HNRNPA0: variants seen among roughly 807,000 people sequenced by gnomAD.
HNRNPA0 encodes the protein hnRNA binding protein.
For missense variants in HNRNPA0, 252 were observed against 433.7 expected (o/e 0.58, Z 3.72); for synonymous variants, 243 against 195.5 (o/e 1.24, Z -2.03).
In HNRNPA0 at chr5:137,754,290, T is replaced by C; in HGVS notation, c.-224A>G. The C allele has an allele frequency of 3.4e-6, 2 of 594,642 alleles. No homozygotes were observed. Among genetic ancestry groups the C allele is most frequent in the South Asian group, 2.6e-5 (1 of 39,142 alleles). The allele number at this position is 594,642 out of a possible 1,614,324, so 36.8% of individuals were successfully genotyped here. On this transcript the variant is annotated 5_prime_UTR_variant, in exon 1 of 1. Coordinates refer to ENST00000314940, the MANE Select transcript of HNRNPA0 (RefSeq NM_006805.4). ...CGGCTAAAGGGCGAGCCGAGGAGAC[T>C]GGAAGACAACCAAGGCCACCGCTAC...
chr5:137,748,357 T>C lies in HNRNPA0; in HGVS notation c.*4792A>G, dbSNP rs1312381710. On this transcript the variant is annotated 3_prime_UTR_variant, in exon 1 of 1. Transcript: ENST00000314940. The stretch of plus-strand genomic sequence containing the variant: ...AGATGGCTAGCAGAATTCATCTCTC[T>C]CCTACTAGAGTTGAAGCAGCAGTGA... The C allele has an allele frequency of 6.6e-6, 1 of 152,182 alleles. No homozygotes were observed. Among genetic ancestry groups the C allele is most frequent in the Non-Finnish European group, 1.5e-5 (1 of 68,024 alleles). The allele number at this position is 152,182 out of a possible 1,614,324, so 9.4% of individuals were successfully genotyped here.
chr5:137,753,066 G>GGGT lies in HNRNPA0; in HGVS notation c.*80_*82dup, dbSNP rs1314313226. The GGGT allele has an allele frequency of 7.2e-7, 1 of 1,397,842 alleles. No individual in the cohort carries two copies. The highest frequency in any genetic ancestry group is 9.8e-7 in the Non-Finnish European group (1 of 1,019,520). 86.6% of individuals were successfully genotyped at this position (1,397,842 alleles called of 1,614,324 possible). On this transcript the variant is annotated 3_prime_UTR_variant, in exon 1 of 1. Coordinates refer to ENST00000314940, the MANE Select transcript of HNRNPA0 (RefSeq NM_006805.4). The surrounding 1 kb of genome is among the most constrained non-coding windows in gnomAD (Gnocchi z 6.1). ...AACAGGGAAGGCGGTGTGTGTGAGG[G>GGGT]GGTGGGGCTTAGGAGTTGACCCCAC...
rs1042790342 is a variant in HNRNPA0, at chr5:137,749,044, A to G, written c.*4105T>C. On this transcript the variant is annotated 3_prime_UTR_variant, in exon 1 of 1. Coordinates refer to ENST00000314940, the MANE Select transcript of HNRNPA0 (RefSeq NM_006805.4). ...CGCAAGGTATATGAAGACAGCAACC[A>G]TGTTTGTCTCACTGCTGTGTACCTC... The G allele has an allele frequency of 3.9e-5, 6 of 152,164 alleles. No homozygotes were observed. The highest frequency in any genetic ancestry group is 5.9e-5 in the Non-Finnish European group (4 of 68,012). 9.4% of individuals were successfully genotyped at this position (152,164 alleles called of 1,614,324 possible).
chr5:137,753,482 T>C lies in HNRNPA0; in HGVS notation c.585A>G (p.Arg195=). Reference sequence around the variant, plus strand: ...GACCACCGCCGCGCCCCCGGCCGCCTCGGCCGCCCCGGGAGGATCGGGAGC... The same window carrying C: ...GACCACCGCCGCGCCCCCGGCCGCCCCGGCCGCCCCGGGAGGATCGGGAGC... ...GGGSRSSRGG[R]GGRGRGGGRD... is the part of the protein sequence containing the mutation. The change falls in exon 1 of 1, where the codon CGA becomes CGG. Residue 195 remains arginine, a synonymous_variant. Coordinates refer to ENST00000314940, the MANE Select transcript of HNRNPA0 (RefSeq NM_006805.4). The surrounding 1 kb of genome is among the most constrained non-coding windows in gnomAD (Gnocchi z 6.1). The C allele has an allele frequency of 6.3e-7, 1 of 1,579,590 alleles. No individual in the cohort carries two copies.
rs1321647715 is a variant in HNRNPA0 at position 137,751,158 on chromosome 5, A to T, written c.*1991T>A. On this transcript the variant is annotated 3_prime_UTR_variant, in exon 1 of 1. Transcript: ENST00000314940. The stretch of plus-strand genomic sequence containing the variant: ...AAAGGATTTGACTATGTATTACCTC[A>T]ATGTGTAAAAACATCCACCCCGTTT... 6.6e-6 allele frequency: 1 copy of T among 152,122 alleles called. No homozygotes were observed. The highest frequency in any genetic ancestry group is 1.5e-5 in the Non-Finnish European group (1 of 67,998). The allele number at this position is 152,122 out of a possible 1,614,324, so 9.4% of individuals were successfully genotyped here. A position where few individuals can be genotyped will look rare whatever the true frequency, so the allele number is the denominator to read the frequency against.
In HNRNPA0 at chr5:137,747,062, A is replaced by G. The variant is rs1402055685; in HGVS notation, c.*6087T>C. 6.6e-6 allele frequency: 1 copy of G among 152,230 alleles called. No homozygotes were observed. The highest frequency in any genetic ancestry group is 1.5e-5 in the Non-Finnish European group (1 of 68,038). 9.4% of individuals were successfully genotyped at this position (152,230 alleles called of 1,614,324 possible). ...TGGGCACAGTTAAGGCAAATCAACA[A>G]GGTTTGAACCTTCTTGGGACTAGAG... is the stretch of plus-strand genomic sequence containing the variant. On this transcript the variant is annotated 3_prime_UTR_variant, in exon 1 of 1. Coordinates refer to ENST00000314940, the MANE Select transcript of HNRNPA0 (RefSeq NM_006805.4).
rs753578866 is a variant in HNRNPA0 at position 137,753,932 on chromosome 5, C to T, written c.135G>A (p.Lys45=). ...TCACGAAGCCAAAGCAACGGGAGCGCTTGGTCTGGGGATTCACCACCACCA... is the reference window on the plus strand; with the variant it reads ...TCACGAAGCCAAAGCAACGGGAGCGTTTGGTCTGGGGATTCACCACCACCA... The part of the protein sequence containing the change: ...DCVVVVNPQT[K]RSRCFGFVTY... The change falls in exon 1 of 1, where the codon AAG becomes AAA. Residue 45 remains lysine (K), a synonymous_variant. Coordinates refer to ENST00000314940, the MANE Select transcript of HNRNPA0 (RefSeq NM_006805.4). The surrounding 1 kb of genome is among the most constrained non-coding windows in gnomAD (Gnocchi z 6.1). The T allele has an allele frequency of 6.2e-7, 1 of 1,614,142 alleles. No homozygotes were observed. Among genetic ancestry groups the T allele is most frequent in the Non-Finnish European group, 8.5e-7 (1 of 1,180,036 alleles).
In HNRNPA0 at chr5:137,747,215, T is replaced by C. The variant is rs1753421131; in HGVS notation, c.*5934A>G. Reference sequence around the variant, plus strand: ...TATGAGAAAGAGAAGGAGCAAATATTTCAGCCTCACTTTTCTATCACTGTC... The same window carrying C: ...TATGAGAAAGAGAAGGAGCAAATATCTCAGCCTCACTTTTCTATCACTGTC... On this transcript the variant is annotated 3_prime_UTR_variant, in exon 1 of 1. Coordinates refer to ENST00000314940, the MANE Select transcript of HNRNPA0 (RefSeq NM_006805.4). The C allele has an allele frequency of 6.6e-6, 1 of 152,150 alleles. No individual in the cohort carries two copies. The highest frequency in any genetic ancestry group is 1.5e-5 in the Non-Finnish European group (1 of 68,020). The allele number at this position is 152,150 out of a possible 1,614,324, so 9.4% of individuals were successfully genotyped here. A position where few individuals can be genotyped will look rare whatever the true frequency, so the allele number is the denominator to read the frequency against.
In HNRNPA0 at chr5:137,749,064, T is replaced by C. The variant is rs1244551965; in HGVS notation, c.*4085A>G. 1 of 152,220 alleles carries C rather than the reference T, an allele frequency of 6.6e-6. No individual in the cohort carries two copies. Among genetic ancestry groups the C allele is most frequent in the East Asian group, 1.9e-4 (1 of 5,194 alleles). 9.4% of individuals were successfully genotyped at this position (152,220 alleles called of 1,614,324 possible). A position where few individuals can be genotyped will look rare whatever the true frequency, so the allele number is the denominator to read the frequency against. ...CAACCATGTTTGTCTCACTGCTGTG[T>C]ACCTCCACATTATAGAACTGTCTTA... On this transcript the variant is annotated 3_prime_UTR_variant, in exon 1 of 1. Coordinates refer to ENST00000314940, the MANE Select transcript of HNRNPA0 (RefSeq NM_006805.4).
chr5:137,754,139 A>C lies in HNRNPA0; in HGVS notation c.-73T>G. On this transcript the variant is annotated 5_prime_UTR_variant, in exon 1 of 1. Coordinates refer to ENST00000314940, the MANE Select transcript of HNRNPA0 (RefSeq NM_006805.4). Reference sequence around the variant, plus strand: ...CCGTCGCCGCCGTTATCGTTGGTTAAGGCCTCTACACAGCTTGGGCCCAGC... The same window carrying C: ...CCGTCGCCGCCGTTATCGTTGGTTACGGCCTCTACACAGCTTGGGCCCAGC... 6.6e-7 allele frequency: 1 copy of C among 1,515,580 alleles called. No individual in the cohort carries two copies. The highest frequency in any genetic ancestry group is 8.8e-7 in the Non-Finnish European group (1 of 1,131,692). 93.9% of individuals were successfully genotyped at this position (1,515,580 alleles called of 1,614,324 possible).
rs1753474086 is a variant in HNRNPA0, at chr5:137,750,184, C to T, written c.*2965G>A. On this transcript the variant is annotated 3_prime_UTR_variant, in exon 1 of 1. Transcript: ENST00000314940. ...CGAAATTTTTTGAGTGCAGACATGACATTCAAAGGAAATGCTCATTGAAGC... is the reference window on the plus strand; with the variant it reads ...CGAAATTTTTTGAGTGCAGACATGATATTCAAAGGAAATGCTCATTGAAGC... 6.6e-6 allele frequency: 1 copy of T among 152,062 alleles called. No homozygotes were observed. The highest frequency in any genetic ancestry group is 2.4e-5 in the African/African-American group (1 of 41,420). 9.4% of individuals were successfully genotyped at this position (152,062 alleles called of 1,614,324 possible).
rs2149948348 is a variant in HNRNPA0 at position 137,752,397 on chromosome 5, G to A, written c.*752C>T. The stretch of plus-strand genomic sequence containing the variant: ...AAGAGATGGATGCACAGAAACTTAA[G>A]AGTTTAAAAAGCCACATCCACCACT... On this transcript the variant is annotated 3_prime_UTR_variant, in exon 1 of 1. Transcript: ENST00000314940. The A allele has an allele frequency of 6.6e-6, 1 of 152,206 alleles. No homozygotes were observed. The highest frequency in any genetic ancestry group is 6.5e-5 in the Admixed American group (1 of 15,288). The allele number at this position is 152,206 out of a possible 1,614,324, so 9.4% of individuals were successfully genotyped here.
At position 137,753,758 on chromosome 5, in the gene HNRNPA0, T is replaced by C. The variant is rs1466193604; in HGVS notation, c.309A>G (p.Gly103=). ...CCTCAGCCACGTCTCCTTTAAGGCC[T>C]CCGACAAAGAGCTTCTTAACCTTGG... ...AHAKVKKLFV[G]GLKGDVAEGD... The change falls in exon 1 of 1, where the codon GGA becomes GGG. Residue 103 remains glycine, a synonymous_variant. Coordinates refer to ENST00000314940, the MANE Select transcript of HNRNPA0 (RefSeq NM_006805.4). This position sits in a 1 kb window ranked among gnomAD's most constrained non-coding sequence, Gnocchi z 6.1. 1.2e-6 allele frequency: 2 copies of C among 1,611,914 alleles called. No homozygotes were observed. Among genetic ancestry groups the C allele is most frequent in the South Asian group, 2.2e-5 (2 of 91,092 alleles).
rs1753437636 is a variant in HNRNPA0 at position 137,748,015 on chromosome 5, A to G, written c.*5134T>C. 2 of 152,160 alleles carry G rather than the reference A, an allele frequency of 1.3e-5. No homozygotes were observed. Among genetic ancestry groups the G allele is most frequent in the South Asian group, 4.1e-4 (2 of 4,828 alleles). 9.4% of individuals were successfully genotyped at this position (152,160 alleles called of 1,614,324 possible). On this transcript the variant is annotated 3_prime_UTR_variant, in exon 1 of 1. Coordinates refer to ENST00000314940, the MANE Select transcript of HNRNPA0 (RefSeq NM_006805.4). ...CACCAGCTGGGGGTCCTTGGGAGTT[A>G]CTTTTCTGGCATGAGATTTAGCAAC...
In HNRNPA0 at chr5:137,747,505, T is replaced by A. The variant is rs1022779675; in HGVS notation, c.*5644A>T. ...GCATCACCATCCTCTCACACAGTAATTTTGATTAATCTACTCTCTCTTCCT... is the reference window on the plus strand; with the variant it reads ...GCATCACCATCCTCTCACACAGTAAATTTGATTAATCTACTCTCTCTTCCT... On this transcript the variant is annotated 3_prime_UTR_variant, in exon 1 of 1. Coordinates refer to ENST00000314940, the MANE Select transcript of HNRNPA0 (RefSeq NM_006805.4). The A allele has an allele frequency of 4.6e-5, 7 of 152,218 alleles. No individual in the cohort carries two copies. Among genetic ancestry groups the A allele is most frequent in the Non-Finnish European group, 7.3e-5 (5 of 68,032 alleles). The allele number at this position is 152,218 out of a possible 1,614,324, so 9.4% of individuals were successfully genotyped here. A position where few individuals can be genotyped will look rare whatever the true frequency, so the allele number is the denominator to read the frequency against.
In HNRNPA0 at chr5:137,754,334, C is replaced by G; in HGVS notation, c.-268G>C. The G allele has an allele frequency of 2.0e-6, 1 of 496,288 alleles. No individual in the cohort carries two copies. The highest frequency in any genetic ancestry group is 3.7e-6 in the Non-Finnish European group (1 of 270,284). 30.7% of individuals were successfully genotyped at this position (496,288 alleles called of 1,614,324 possible). A position where few individuals can be genotyped will look rare whatever the true frequency, so the allele number is the denominator to read the frequency against. ...CCGCTACCGCCGCCGCCGCCACCTC[C>G]GCTCCCCTATCTGGGCACCACACAA... is the stretch of plus-strand genomic sequence containing the variant. On this transcript the variant is annotated 5_prime_UTR_variant, in exon 1 of 1. Transcript: ENST00000314940.
In HNRNPA0 at chr5:137,752,940, G is replaced by T. The variant is rs557524149; in HGVS notation, c.*209C>A. 2.4e-4 allele frequency: 124 copies of T among 524,870 alleles called. No homozygotes were observed. The South Asian group carries it at 4.1e-3, about 17-fold the overall frequency. The allele number at this position is 524,870 out of a possible 1,614,324, so 32.5% of individuals were successfully genotyped here. A position where few individuals can be genotyped will look rare whatever the true frequency, so the allele number is the denominator to read the frequency against. ...CTGTAACACAAAAATGTGTATGTGG[G>T]GCCGAGTCCATCTTCAGAGGGAGAG... On this transcript the variant is annotated 3_prime_UTR_variant, in exon 1 of 1. Coordinates refer to ENST00000314940, the MANE Select transcript of HNRNPA0 (RefSeq NM_006805.4).
At position 137,749,713 on chromosome 5, in the gene HNRNPA0, T is replaced by C. The variant is rs1158841412; in HGVS notation, c.*3436A>G. ...TTGGGTAAAATCCGTGTAGTCTAGA[T>C]GCAGTTCTGCTCCAAATCCAACATC... On this transcript the variant is annotated 3_prime_UTR_variant, in exon 1 of 1. Transcript: ENST00000314940. The C allele has an allele frequency of 1.3e-5, 2 of 152,168 alleles. No homozygotes were observed. Among genetic ancestry groups the C allele is most frequent in the African/African-American group, 4.8e-5 (2 of 41,456 alleles). 9.4% of individuals were successfully genotyped at this position (152,168 alleles called of 1,614,324 possible). A position where few individuals can be genotyped will look rare whatever the true frequency, so the allele number is the denominator to read the frequency against.
In HNRNPA0 at chr5:137,746,081, T is replaced by G. The variant is rs1753405532; in HGVS notation, c.*7068A>C. On this transcript the variant is annotated 3_prime_UTR_variant, in exon 1 of 1. Transcript: ENST00000314940. ...TACCAGCCTCAGGCCAGATATAACTTTTTCTGCACACCCCCAATTCAAGAT... is the reference window on the plus strand; with the variant it reads ...TACCAGCCTCAGGCCAGATATAACTGTTTCTGCACACCCCCAATTCAAGAT... 1 of 152,128 alleles carries G rather than the reference T, an allele frequency of 6.6e-6. No individual in the cohort carries two copies. Among genetic ancestry groups the G allele is most frequent in the Non-Finnish European group, 1.5e-5 (1 of 68,026 alleles). The allele number at this position is 152,128 out of a possible 1,614,324, so 9.4% of individuals were successfully genotyped here. A position where few individuals can be genotyped will look rare whatever the true frequency, so the allele number is the denominator to read the frequency against.
Sources: gnomAD v4.1 joint callset for allele counts on GRCh38, gnomAD v4.1.1 for gene constraint, Gnocchi (gnomAD v3.1) non-coding constraint, MANE v1.5 for transcripts, NCBI Gene and HGNC (gene_info 2026-07-23, HGNC 2026-07-21) for gene names.